The following FTO variants were observed in gnomAD, a reference collection of about 807,000 sequenced individuals.
The protein encoded by FTO is alpha-ketoglutarate-dependent dioxygenase FTO.
A neutral mutation model predicts 63.9 loss-of-function variants in FTO; 47 were observed. That is an observed-to-expected ratio of 0.74 (90% CI 0.58 to 0.94). The LOEUF (loss-of-function observed/expected upper bound fraction) is 0.94. FTO is among the 40% of genes least tolerant of loss of function. The pLI, the probability that FTO is intolerant of heterozygous loss-of-function variation, is 0.00. For synonymous variants in FTO, 207 were observed against 224.4 expected (o/e 0.92, Z 0.69); for missense variants, 562 against 618.1 (o/e 0.91, Z 0.96).
At chr16:53,792,773 C>T (rs917863062) in intron 1 of FTO, among the ~76,000 whole-genome samples, 7 of 152,134 alleles carry the variant, frequency 4.6e-5, no homozygotes, top group Admixed American at 3.9e-4. Context: ...GAGAATTTGG[C>T]TTTTTCATCT....
intron 1 of FTO, among the ~76,000 whole-genome samples, chr16:53,738,410 C>T (rs1386797699): frequency 4.6e-5 from 7 of 152,086 alleles, no homozygotes; most frequent in Non-Finnish European, 8.8e-5. Context: ...CCAAAGTGCA[C>T]GGATTACAGG....
At chr16:53,904,059 T>G (rs1167465351) in intron 7 of FTO, among the ~76,000 whole-genome samples, 2 of 151,896 alleles carry the variant, frequency 1.3e-5, no homozygotes, top group African/African-American at 4.8e-5. Context: ...TATACATGTG[T>G]ATATGTATCT....
At position 53,950,155 on chromosome 16, in the gene FTO, TAAAAAAAAA is replaced by T. The variant is rs57925273; in HGVS notation, c.1364+16062_1364+16070del. Among the ~76,000 whole-genome samples, 15 of 50,604 alleles carry T rather than the reference TAAAAAAAAA, an allele frequency of 3.0e-4. 2 individuals carry two copies. The highest frequency in any genetic ancestry group is 2.2e-3 in the South Asian group (2 of 926). The allele number at this position is 50,604 out of a possible 152,430, so 33.2% of individuals were successfully genotyped here. ...GGAAAAAAAAAGATATTCACATTTG[TAAAAAAAAA>T]AAAAAAAAAAAAAAACTTAATCCAT... On this transcript the variant is annotated intron_variant, in intron 8 of 8. Transcript: ENST00000471389.
At chr16:53,975,764 A>G (rs554953818) in intron 8 of FTO, among the ~76,000 whole-genome samples, 1 of 152,288 alleles carries the variant, frequency 6.6e-6, no homozygotes, top group African/African-American at 2.4e-5. Context: ...TGTAGATCCA[A>G]ACAGTCACAT....
Position 53,894,877 on chromosome 16 carries a change from G to A in FTO, c.1239+5926G>A, listed in dbSNP as rs140712630. 6.0e-4 allele frequency among the ~76,000 whole-genome samples: 92 copies of A among 152,260 alleles called. No individual in the cohort carries two copies. The East Asian group carries it at 0.017, about 27-fold the overall frequency. ...GACTCAAGATAAGCACAGATTAGAG[G>A]TGGATAAAGAGTCATAAGCATCCAA... On this transcript the variant is annotated intron_variant, in intron 7 of 8. Coordinates refer to ENST00000471389, the MANE Select transcript of FTO (RefSeq NM_001080432.3).
chr16:53,934,371 A>G (rs1282411549), intron 8 of FTO, among the ~76,000 whole-genome samples: 1 of 152,242 alleles, frequency 6.6e-6, no homozygotes, highest in Non-Finnish European at 1.5e-5. Context: ...TTTGAGCATA[A>G]TGTAATATAA....
In FTO at chr16:53,826,498, T is replaced by C; in HGVS notation, c.751+7T>C. 4 of 1,613,974 alleles carry C rather than the reference T, an allele frequency of 2.5e-6. No homozygotes were observed. The highest frequency in any genetic ancestry group is 3.4e-6 in the Non-Finnish European group (4 of 1,179,982). ...TACAGTTATAGCTGTGAAGGTACAG[T>C]CTGCTCTTGGAAAAAGCAGCCCTGT... On this transcript the variant is annotated splice_region_variant and intron_variant, in intron 3 of 8. Coordinates refer to ENST00000471389, the MANE Select transcript of FTO (RefSeq NM_001080432.3).
chr16:53,725,278 C>T (rs2151497330), intron 1 of FTO, among the ~76,000 whole-genome samples: 1 of 152,296 alleles, frequency 6.6e-6, no homozygotes, highest in African/African-American at 2.4e-5. Flanking sequence ...ATTTTATGTA[C>T]ATATATGCCT....
At chr16:53,875,162 A>T (rs1379265061) in intron 5 of FTO, among the ~76,000 whole-genome samples, 1 of 151,462 alleles carries the variant, frequency 6.6e-6, no homozygotes, top group Non-Finnish European at 1.5e-5. Context: ...TGTGCCTTGT[A>T]TTATACACAA....
At chr16:53,857,543 CCTGGTGCTAGAGTAGG>C (rs1437795321) in intron 4 of FTO, among the ~76,000 whole-genome samples, 1 of 151,798 alleles carries the variant, frequency 6.6e-6, no homozygotes, top group Non-Finnish European at 1.5e-5. Flanking sequence ...CAAGGGCATA[CCTGGTGCTAGAGTAGG>C]CTTGGAGCCT....
intron 5 of FTO, among the ~76,000 whole-genome samples, chr16:53,877,835 CTTTT>C (rs1010359061): frequency 6.6e-6 from 1 of 152,034 alleles, no homozygotes; most frequent in African/African-American, 2.4e-5. Context: ...ACCCCTCTCT[CTTTT>C]TGTTTTCTGC....
intron 8 of FTO, among the ~76,000 whole-genome samples, chr16:53,947,254 GT>G (rs2082672160): frequency 6.6e-6 from 1 of 152,148 alleles, no homozygotes; most frequent in South Asian, 2.1e-4. Context: ...ATCCCTGGTG[GT>G]TTCACTTTGC....
intron 2 of FTO, among the ~76,000 whole-genome samples, chr16:53,811,642 C>T (rs1041839114): frequency 1.3e-5 from 2 of 152,158 alleles, no homozygotes; most frequent in African/African-American, 4.8e-5. Flanking sequence ...CCCTCTGCTT[C>T]AAATCCCACA....
intron 7 of FTO, among the ~76,000 whole-genome samples, chr16:53,914,070 G>T (rs1374431767): frequency 6.6e-6 from 1 of 151,896 alleles, no homozygotes; most frequent in Non-Finnish European, 1.5e-5. Context: ...GGAGGACAGC[G>T]TCTTCTCACG....
chr16:53,991,244 C>T (rs1157624820), intron 8 of FTO: 3 of 152,184 alleles, frequency 2.0e-5, no homozygotes, highest in Non-Finnish European at 4.4e-5. Flanking sequence ...AGGTAATATA[C>T]TGTTAGACAC....
At chr16:53,954,916 A>G (rs1435156746) in intron 8 of FTO, among the ~76,000 whole-genome samples, 1 of 152,052 alleles carries the variant, frequency 6.6e-6, no homozygotes, top group African/African-American at 2.4e-5. Context: ...GGGACTGGCA[A>G]AAGAAGAGCT....
rs2144650392 is a variant in FTO at position 54,121,464 on chromosome 16, A to C, written c.*9549A>C. The C allele has an allele frequency of 6.6e-6, 1 of 152,312 alleles. No individual in the cohort carries two copies. The allele number at this position is 152,312 out of a possible 1,614,324, so 9.4% of individuals were successfully genotyped here. A position where few individuals can be genotyped will look rare whatever the true frequency, so the allele number is the denominator to read the frequency against. On this transcript the variant is annotated 3_prime_UTR_variant, in exon 9 of 9. Coordinates refer to ENST00000471389, the MANE Select transcript of FTO (RefSeq NM_001080432.3). ...ATTTCTGAACTAAAGAGGCCTGAAT[A>C]AGGTAGTGAAAGGACCAGGGAAAGC...
intron 3 of FTO, among the ~76,000 whole-genome samples, chr16:53,835,835 G>A (rs2079273312): frequency 6.8e-6 from 1 of 147,894 alleles, no homozygotes; most frequent in African/African-American, 2.5e-5. Context: ...CAATCTTTAT[G>A]TTTGTTTTTT....
At chr16:54,091,655 T>C (rs2086386379) in intron 8 of FTO, among the ~76,000 whole-genome samples, 1 of 152,224 alleles carries the variant, frequency 6.6e-6, no homozygotes, top group Admixed American at 6.5e-5. Flanking sequence ...AGTCTTGCTT[T>C]TTCGTTGTGA....
Sources: gnomAD v4.1 joint callset for allele counts (sites outside exome capture counted in the v4.1 genomes callset) on GRCh38, gnomAD v4.1.1 for gene constraint, MANE v1.5 for transcripts, NCBI Gene and HGNC (gene_info 2026-07-23, HGNC 2026-07-21) for gene names.